The following PIEZO1 variants were observed in gnomAD, a reference collection of about 807,000 sequenced individuals.
PIEZO1 encodes the protein piezo type mechanosensitive ion channel component 1 (Er blood group), also known as piezo-type mechanosensitive ion channel component 1.
PIEZO1 carries 296 observed loss-of-function variants against 297.2 expected under a neutral mutation model. That is an observed-to-expected ratio of 1.00 (90% CI 0.91 to 1.10). The LOEUF is 1.10. Among genes scored for constraint, PIEZO1 ranks in the 50% least tolerant of loss-of-function variants. PIEZO1 has a pLI of 0.00. For missense variants in PIEZO1, 5,018 were observed against 3,455.5 expected, an observed-to-expected ratio of 1.45 and a Z score of -11.34; for synonymous variants, 2,427 against 1,507.5, an observed-to-expected ratio of 1.61 and a Z score of -14.13.
intron 1 of PIEZO1, among the ~76,000 whole-genome samples, chr16:88,782,551 TG>T (rs1299842713): frequency 6.6e-6 from 1 of 152,180 alleles, no homozygotes. Context: ...GATCCTGCAC[TG>T]GAGAGGGAGG....
At chr16:88,783,085 G>C (rs1016934885) in intron 1 of PIEZO1, among the ~76,000 whole-genome samples, 1 of 152,208 alleles carries the variant, frequency 6.6e-6, no homozygotes, top group African/African-American at 2.4e-5. Context: ...AAGTTTCATA[G>C]AAGACTGACA....
rs746485604 is a variant in PIEZO1 at position 88,721,751 on chromosome 16, C to G, written c.5215-25G>C. On this transcript the variant is annotated intron_variant, in intron 37 of 50. Transcript: ENST00000301015. ...TCTGTGGGGGAGGGGGCTCAGCACG[C>G]GGGGAGGGTCACGGCGCGGTGGGCC... is the stretch of plus-strand genomic sequence containing the variant. The G allele has an allele frequency of 3.3e-6, 5 of 1,534,706 alleles. No individual in the cohort carries two copies. In the South Asian group the frequency reaches 6.0e-5, roughly 18 times the overall value.
At chr16:88,732,952 G>A in intron 19 of PIEZO1, 4 of 590,590 alleles carry the variant, frequency 6.8e-6, no homozygotes, top group Non-Finnish European at 1.2e-5. Context: ...AGAGGTCCAG[G>A]GAGAAGGAGG....
At chr16:88,740,684 T>C (rs2016979) in intron 5 of PIEZO1, 48,553 of 152,222 alleles carry the variant, frequency 0.32, 7,821 homozygotes, top group African/African-American at 0.35. Flanking sequence ...CCTTTCCCTC[T>C]CGGGACTCCT....
At chr16:88,719,317 C>T (rs555060946) in intron 44 of PIEZO1, 4 of 508,354 alleles carry the variant, frequency 7.9e-6, no homozygotes, top group East Asian at 3.3e-5. Context: ...CCTCCCTGCA[C>T]CAGGCCCTGC....
intron 1 of PIEZO1, among the ~76,000 whole-genome samples, chr16:88,778,636 G>A (rs1021909242): frequency 5.9e-5 from 9 of 152,194 alleles, no homozygotes; most frequent in Non-Finnish European, 8.8e-5. Context: ...CACCCGGGAC[G>A]GTCAGCGTCC....
intron 2 of PIEZO1, among the ~76,000 whole-genome samples, chr16:88,744,602 C>T (rs1465069872): frequency 3.3e-5 from 5 of 150,790 alleles, no homozygotes; most frequent in African/African-American, 9.7e-5. Context: ...CCAGGATGTC[C>T]GTCTCTGGCT....
chr16:88,777,344 G>C lies in PIEZO1; in HGVS notation c.64+7557C>G, dbSNP rs116641082. Among the ~76,000 whole-genome samples the C allele has an allele frequency of 5.4e-3, 824 of 152,368 alleles. 6 individuals carry two copies. Among genetic ancestry groups the C allele is most frequent in the African/African-American group, 0.019 (790 of 41,580 alleles). On this transcript the variant is annotated intron_variant, in intron 1 of 50. Coordinates refer to ENST00000301015, the MANE Select transcript of PIEZO1 (RefSeq NM_001142864.4). Reference sequence around the variant, plus strand: ...GAGAAAGCGAAGGCAGCGGAGGCCAGGGCAGAGCCTTACAGGCCGCCCATT... The same window carrying C: ...GAGAAAGCGAAGGCAGCGGAGGCCACGGCAGAGCCTTACAGGCCGCCCATT...
At position 88,723,009 on chromosome 16, in the gene PIEZO1, C is replaced by T. The variant is rs1347943605; in HGVS notation, c.4496G>A (p.Gly1499Asp). 1.3e-6 allele frequency: 2 copies of T among 1,545,854 alleles called. No homozygotes were observed. Among genetic ancestry groups the T allele is most frequent in the African/African-American group, 2.7e-5 (2 of 72,986 alleles). Residue 1499 changes from glycine to aspartate, a missense_variant and splice_region_variant, in exon 34 of 51, where the codon GGC (glycine) becomes GAC (aspartate). Transcript: ENST00000301015. ...CACCCTCTGCACCACATGGCTCCGG[C>T]CTGCGGGAGGGCGGGAGGGGGCGCT... ...PAEGPEEAAA[G>D]RSHVVQRVLS... is the part of the protein sequence containing the mutation.
rs1276392538 is a variant in PIEZO1 at position 88,784,895 on chromosome 16, A to AC, written c.64+5dup. ...CGTCGCCCCCAGGCGCCCGCCCCCCACTCACCAGCCAGCAGCGCGCAGGGC... is the reference window on the plus strand; with the variant it reads ...CGTCGCCCCCAGGCGCCCGCCCCCCACCTCACCAGCCAGCAGCGCGCAGGGC... On this transcript the variant is annotated splice_donor_region_variant and intron_variant, in intron 1 of 50. Coordinates refer to ENST00000301015, the MANE Select transcript of PIEZO1 (RefSeq NM_001142864.4). 1.4e-6 allele frequency: 2 copies of AC among 1,430,570 alleles called. No homozygotes were observed. The highest frequency in any genetic ancestry group is 2.5e-4 in the Middle Eastern group (1 of 4,018). 88.6% of individuals were successfully genotyped at this position (1,430,570 alleles called of 1,614,324 possible).
intron 42 of PIEZO1, 29 bp from the exon 43 acceptor site, chr16:88,719,989 C>G (rs767008018): frequency 3.9e-6 from 6 of 1,549,606 alleles, no homozygotes; most frequent in Non-Finnish European, 5.2e-6. Context: ...GTCAAGGACC[C>G]CATCAGAAAC....
intron 44 of PIEZO1, chr16:88,718,110 C>T (rs76509070): frequency 0.014 from 2,728 of 201,848 alleles, 73 homozygotes; most frequent in African/African-American, 0.062. Flanking sequence ...TTTGAATAGA[C>T]ATTTCCCCAG....
At chr16:88,738,772 A>G (rs2049727616) in intron 5 of PIEZO1, 36 bp from the exon 6 acceptor site, 1 of 1,507,248 alleles carries the variant, frequency 6.6e-7, no homozygotes, top group African/African-American at 1.4e-5. Context: ...GGTCAGGTGT[A>G]TCGCACTGAC....
At chr16:88,781,723 C>T (rs982304494) in intron 1 of PIEZO1, among the ~76,000 whole-genome samples, 4 of 152,266 alleles carry the variant, frequency 2.6e-5, no homozygotes, top group African/African-American at 9.6e-5. Flanking sequence ...CCATGCTCAG[C>T]TCAGAGGGTC....
chr16:88,721,670 G>A lies in PIEZO1; in HGVS notation c.5271C>T (p.His1757=), dbSNP rs974458131. The A allele has an allele frequency of 1.2e-5, 18 of 1,549,862 alleles. No individual in the cohort carries two copies. Among genetic ancestry groups the A allele is most frequent in the African/African-American group, 2.7e-5 (2 of 73,034 alleles). The change falls in exon 38 of 51, where the codon CAC becomes CAT. Residue 1757 remains histidine (H), a synonymous_variant. Transcript: ENST00000301015. ...TGTTCTCGTAGCGCCGCAGCACCAC[G>A]TGGCTGTTCCAGGGGAAGAACCCAA... ...FQFGFFPWNS[H]VVLRRYENKP...
chr16:88,728,324 G>C (rs527493137), intron 22 of PIEZO1, among the ~76,000 whole-genome samples: 8 of 152,400 alleles, frequency 5.2e-5, no homozygotes, highest in African/African-American at 1.9e-4. Context: ...GCATGGATGT[G>C]ACTCCACGCA....
chr16:88,734,899 G>A lies in PIEZO1; in HGVS notation c.1824C>T (p.Phe608=), dbSNP rs764920069. 1.0e-5 allele frequency: 16 copies of A among 1,550,396 alleles called. No homozygotes were observed. Among genetic ancestry groups the A allele is most frequent in the Middle Eastern group, 1.7e-4 (1 of 5,992 alleles). Residue 608 remains phenylalanine, a synonymous_variant, in exon 14 of 51, where the codon TTC becomes TTT. Coordinates refer to ENST00000301015, the MANE Select transcript of PIEZO1 (RefSeq NM_001142864.4). ...VVYKIVYMFL[F]LLCLTLFQVY... ...CCTGGAAGAGGGTGAGGCAGAGCAG[G>A]AAGAGGAACATGTAGACAATCTTGT...
chr16:88,736,486 G>A (rs1316624540), intron 11 of PIEZO1, 78 bp from the exon 12 acceptor site: 2 of 611,634 alleles, frequency 3.3e-6, no homozygotes, highest in South Asian at 3.9e-5. Context: ...GGCAGAGGGG[G>A]CTGCACAGCT....
chr16:88,727,730 C>T (rs577499354), intron 22 of PIEZO1, 69 bp from the exon 23 acceptor site: 48 of 710,258 alleles, frequency 6.8e-5, no homozygotes, highest in East Asian at 2.7e-4. Flanking sequence ...GGTCCCCACC[C>T]GTTGACCCGA....
Sources: gnomAD v4.1 joint callset for allele counts (sites outside exome capture counted in the v4.1 genomes callset) on GRCh38, gnomAD v4.1.1 for gene constraint, MANE v1.5 for transcripts, NCBI Gene and HGNC (gene_info 2026-07-23, HGNC 2026-07-21) for gene names.